The following COL9A1 variants were observed in gnomAD, a reference collection of about 807,000 sequenced individuals.
The protein encoded by COL9A1 is collagen alpha-1(IX) chain.
COL9A1 carries 104 observed loss-of-function variants against 142.6 expected under a neutral mutation model. The ratio of observed to expected loss-of-function variants is 0.73; its 90% CI spans 0.62 to 0.86. The LOEUF (loss-of-function observed/expected upper bound fraction) is 0.86, where lower values mean the gene tolerates loss of function less well. Among genes scored for constraint, COL9A1 ranks in the 40% least tolerant of loss-of-function variants. COL9A1 has a pLI of 0.00. For missense variants in COL9A1, 1,210 were observed against 1,176.6 expected (o/e 1.03, Z -0.42); for synonymous variants, 466 against 396.0 (o/e 1.18, Z -2.10).
At chr6:70,253,162 C>T in intron 26 of COL9A1, 6 of 445,326 alleles carry the variant, frequency 1.3e-5, no homozygotes, top group South Asian at 3.2e-5. Flanking sequence ...CAAAGGATGA[C>T]ATTTTCATTA....
chr6:70,222,178 AG>A (rs1180163217), intron 37 of COL9A1, among the ~76,000 whole-genome samples: 1 of 152,224 alleles, frequency 6.6e-6, no homozygotes, highest in East Asian at 1.9e-4. Context: ...TTATAAAAAA[AG>A]GGAGCAACAA....
At position 70,234,242 on chromosome 6, in the gene COL9A1, G is replaced by C. The variant is rs1291921096; in HGVS notation, c.2314+297C>G. ...TGTGTTCCAAAGGAAAAAAGTGTGTGTGTGTGTGTGTGTGTGCACTTTGTT... is the reference window on the plus strand; with the variant it reads ...TGTGTTCCAAAGGAAAAAAGTGTGTCTGTGTGTGTGTGTGTGCACTTTGTT... On this transcript the variant is annotated intron_variant, in intron 35 of 37. Transcript: ENST00000357250. Among the ~76,000 whole-genome samples, 27 of 150,558 alleles carry C rather than the reference G, an allele frequency of 1.8e-4. No individual in the cohort carries two copies. In the Admixed American group the frequency reaches 1.8e-3, roughly 10 times the overall value.
chr6:70,283,496 A>G (rs532942838), intron 6 of COL9A1, among the ~76,000 whole-genome samples: 27 of 152,340 alleles, frequency 1.8e-4, no homozygotes, highest in Non-Finnish European at 3.2e-4. Flanking sequence ...TACCAAAGGG[A>G]CAACCACACA....
chr6:70,234,695 T>C (rs1430386515), intron 34 of COL9A1, 99 bp downstream of exon 34: 2 of 1,605,534 alleles, frequency 1.2e-6, no homozygotes, highest in East Asian at 4.5e-5. Context: ...GGTGGCTGGA[T>C]TTACAAGAGA....
chr6:70,240,400 T>C (rs1325974471), intron 32 of COL9A1, among the ~76,000 whole-genome samples: 1 of 152,134 alleles, frequency 6.6e-6, no homozygotes, highest in East Asian at 1.9e-4. Context: ...GGATTCACCA[T>C]CTGTAAGAGT....
rs539418422 is a variant in COL9A1 at position 70,280,794 on chromosome 6, C to G, written c.975+18G>C. 8 of 1,609,692 alleles carry G rather than the reference C, an allele frequency of 5.0e-6. No individual in the cohort carries two copies. The highest frequency in any genetic ancestry group is 5.9e-6 in the Non-Finnish European group (7 of 1,178,344). ...ACACACCCCAGGCTGGGCGCCCTCC[C>G]AGCACTCGCCTACTCACATCAGCGC... is the stretch of plus-strand genomic sequence containing the variant. On this transcript the variant is annotated intron_variant, in intron 10 of 37. Transcript: ENST00000357250.
At chr6:70,246,992 G>C (rs1770648765) in intron 28 of COL9A1, among the ~76,000 whole-genome samples, 1 of 152,156 alleles carries the variant, frequency 6.6e-6, no homozygotes. Flanking sequence ...AAATCACTTA[G>C]AACTATGCTT....
chr6:70,240,313 T>C (rs1442639071), intron 32 of COL9A1, among the ~76,000 whole-genome samples: 1 of 152,232 alleles, frequency 6.6e-6, no homozygotes, highest in Non-Finnish European at 1.5e-5. Context: ...ATTGTTTTCA[T>C]GATAGTGCAC....
intron 18 of COL9A1, among the ~76,000 whole-genome samples, chr6:70,265,583 T>A (rs1193471698): frequency 1.3e-5 from 2 of 151,620 alleles, no homozygotes; most frequent in South Asian, 4.2e-4. Flanking sequence ...TTGTCAAAAC[T>A]TTTAATGACA....
chr6:70,294,352 T>C lies in COL9A1; in HGVS notation c.511A>G (p.Asn171Asp), dbSNP rs1773769793. ...TGGGAATCAAACAAGGAGGACAAAT[T>C]CGAAAAGGCTGCTGTTTGGAGACTT... The part of the protein sequence containing the change: ...DGSLQTAAFS[N>D]LSSLFDSQWH... Residue 171 changes from asparagine (N) to aspartate (D), a missense_variant, in exon 5 of 38, where the codon AAT (asparagine) becomes GAT (aspartate). Asn to Asp is a conservative substitution (Grantham distance 23). Transcript: ENST00000357250. 2 of 1,614,026 alleles carry C rather than the reference T, an allele frequency of 1.2e-6. No individual in the cohort carries two copies. The highest frequency in any genetic ancestry group is 4.5e-5 in the East Asian group (2 of 44,878).
rs1285953386 is a variant in COL9A1, at chr6:70,258,201, CT to C, written c.1450-1381del. ...TATGCTATCTGACAAAATATAACCC[CT>C]ATCTTTATTTTTCTTATCTACTAAG... On this transcript the variant is annotated intron_variant, in intron 20 of 37. Transcript: ENST00000357250. 2.4e-4 allele frequency among the ~76,000 whole-genome samples: 36 copies of C among 152,236 alleles called. 1 individual carries two copies. The highest frequency in any genetic ancestry group is 6.3e-4 in the African/African-American group (26 of 41,536).
intron 5 of COL9A1, among the ~76,000 whole-genome samples, chr6:70,289,729 A>C (rs1166138337): frequency 6.6e-6 from 1 of 152,208 alleles, no homozygotes; most frequent in African/African-American, 2.4e-5. Flanking sequence ...CAACTTAATA[A>C]GCAGACTTAA....
intron 29 of COL9A1, chr6:70,242,282 T>C (rs773639932): frequency 3.1e-5 from 18 of 585,478 alleles, no homozygotes; most frequent in African/African-American, 1.1e-4. Flanking sequence ...ACAGTAGGCT[T>C]TTTCAGTCAA....
chr6:70,266,602 A>G, intron 18 of COL9A1, 115 bp downstream of exon 18: 1 of 872,890 alleles, frequency 1.1e-6, no homozygotes, highest in Non-Finnish European at 2.0e-6. Context: ...CATTATTTAA[A>G]AAAGAATGGT....
At chr6:70,279,350 T>C (rs925171463) in intron 10 of COL9A1, among the ~76,000 whole-genome samples, 2 of 152,070 alleles carry the variant, frequency 1.3e-5, no homozygotes, top group African/African-American at 4.8e-5. Flanking sequence ...GTTTTTACTA[T>C]CTAAATATTA....
chr6:70,232,776 AAG>A lies in COL9A1; in HGVS notation c.2315-7_2315-6del, dbSNP rs747230904. 1.3e-5 allele frequency: 21 copies of A among 1,608,130 alleles called. No homozygotes were observed. Among genetic ancestry groups the A allele is most frequent in the Non-Finnish European group, 1.4e-5 (17 of 1,176,772 alleles). On this transcript the variant is annotated splice_polypyrimidine_tract_variant and splice_region_variant and intron_variant, in intron 35 of 37. Coordinates refer to ENST00000357250, the MANE Select transcript of COL9A1 (RefSeq NM_001851.6). ...CAGCCATCTCAGCAAAATGTTCTAA[AAG>A]AGAATAAACAAAACAACCCAGAAGT...
intron 4 of COL9A1, among the ~76,000 whole-genome samples, chr6:70,297,193 C>A (rs928377970): frequency 6.6e-6 from 1 of 151,722 alleles, no homozygotes; most frequent in African/African-American, 2.4e-5. Context: ...GTATGTAATG[C>A]CAAAAACTAA....
At chr6:70,266,673 A>G (rs1402351975) in intron 18 of COL9A1, 44 bp downstream of exon 18, 1 of 1,428,668 alleles carries the variant, frequency 7.0e-7, no homozygotes, top group East Asian at 2.3e-5. Flanking sequence ...AGTGACCAAT[A>G]ACTCCTAATC....
In COL9A1 at chr6:70,256,762, A is replaced by C. The variant is rs1167541662; in HGVS notation, c.1503+6T>G. 1 of 1,613,532 alleles carries C rather than the reference A, an allele frequency of 6.2e-7. No individual in the cohort carries two copies. Among genetic ancestry groups the C allele is most frequent in the Admixed American group, 1.7e-5 (1 of 59,968 alleles). ...CATTGGGTTTTGTGGAAGGAAAATC[A>C]CTTACAGGTGCACCAGGAAGACCCT... On this transcript the variant is annotated splice_donor_region_variant and intron_variant, in intron 21 of 37. Coordinates refer to ENST00000357250, the MANE Select transcript of COL9A1 (RefSeq NM_001851.6).
Sources: allele counts gnomAD v4.1 joint callset (sites outside exome capture counted in the v4.1 genomes callset), GRCh38; gene constraint gnomAD v4.1.1; transcripts MANE v1.5; gene names NCBI Gene and HGNC (gene_info 2026-07-23, HGNC 2026-07-21).